The following SLC7A10 variants were observed in gnomAD, a reference collection of about 807,000 sequenced individuals.
The protein encoded by SLC7A10 is solute carrier family 7 member 10, also known as asc-type amino acid transporter 1.
A neutral mutation model predicts 52.7 loss-of-function variants in SLC7A10; 30 were observed. The ratio of observed to expected loss-of-function variants is 0.57; its 90% CI spans 0.43 to 0.77. SLC7A10 has a LOEUF of 0.77. Among genes scored for constraint, SLC7A10 ranks in the 30% least tolerant of loss-of-function variants. The pLI, the probability that SLC7A10 is intolerant of heterozygous loss-of-function variation, is 0.00. For missense variants in SLC7A10, 581 were observed against 698.5 expected, an observed-to-expected ratio of 0.83 and a Z score of 1.90; for synonymous variants, 318 against 314.9, an observed-to-expected ratio of 1.01 and a Z score of -0.10.
At chr19:33,225,095 G>A (rs1443560668) in intron 1 of SLC7A10, among the ~76,000 whole-genome samples, 3 of 152,238 alleles carry the variant, frequency 2.0e-5, no homozygotes, top group Non-Finnish European at 4.4e-5. Flanking sequence ...TCACTGCACT[G>A]CGTGGCACCT....
At chr19:33,224,346 G>T (rs1974877559) in intron 1 of SLC7A10, among the ~76,000 whole-genome samples, 1 of 152,094 alleles carries the variant, frequency 6.6e-6, no homozygotes, top group African/African-American at 2.4e-5. Flanking sequence ...AGCTCCCAGG[G>T]CCAGGTCAGG....
intron 1 of SLC7A10, among the ~76,000 whole-genome samples, chr19:33,217,471 G>C (rs570630202): frequency 3.0e-4 from 46 of 151,014 alleles, no homozygotes; most frequent in African/African-American, 1.1e-3. Context: ...CTGTGCACAT[G>C]AATCCGGTAA....
At chr19:33,214,317 A>G (rs182057738) in intron 2 of SLC7A10, among the ~76,000 whole-genome samples, 29 of 151,894 alleles carry the variant, frequency 1.9e-4, no homozygotes, top group Admixed American at 1.8e-3. Context: ...AACTTTGTAA[A>G]TTTCAGCCCA....
intron 1 of SLC7A10, among the ~76,000 whole-genome samples, chr19:33,224,402 C>T (rs189402444): frequency 3.3e-5 from 5 of 152,136 alleles, no homozygotes; most frequent in East Asian, 3.9e-4. Flanking sequence ...GGTGAGATGG[C>T]GGAGTGACCT....
chr19:33,224,806 G>A (rs999249106), intron 1 of SLC7A10, among the ~76,000 whole-genome samples: 2 of 152,176 alleles, frequency 1.3e-5, no homozygotes, highest in African/African-American at 4.8e-5. Context: ...CCTATGTGGG[G>A]GCAGGACATG....
At chr19:33,223,452 G>A (rs1215147043) in intron 1 of SLC7A10, among the ~76,000 whole-genome samples, 1 of 151,662 alleles carries the variant, frequency 6.6e-6, no homozygotes, top group Non-Finnish European at 1.5e-5. Context: ...GGTGGAGAGA[G>A]AGTGAGCCCA....
Position 33,212,614 on chromosome 19 carries a change from GGAGCTGTTC to G in SLC7A10, c.525_533del (p.Asn176_Ser178del). ...GGATGCGCGTGGCCCAGCGCACACT[GGAGCTGTTC>G]ACCCATGTCAGGAGCACTGCGGAGG... is the stretch of plus-strand genomic sequence containing the variant. On this transcript the variant is annotated inframe_deletion, in exon 4 of 11. Coordinates refer to ENST00000253188, the MANE Select transcript of SLC7A10 (RefSeq NM_019849.3). 1 of 1,613,840 alleles carries G rather than the reference GGAGCTGTTC, an allele frequency of 6.2e-7. No individual in the cohort carries two copies. The highest frequency in any genetic ancestry group is 8.5e-7 in the Non-Finnish European group (1 of 1,180,052).
At chr19:33,218,583 G>T (rs1052153162) in intron 1 of SLC7A10, among the ~76,000 whole-genome samples, 1 of 151,740 alleles carries the variant, frequency 6.6e-6, no homozygotes, top group African/African-American at 2.4e-5. Context: ...GGGCACGGAG[G>T]AGGGAGGGGG....
At chr19:33,215,728 C>T (rs1007461680) in intron 2 of SLC7A10, 41 bp downstream of exon 2, 4 of 1,541,248 alleles carry the variant, frequency 2.6e-6, no homozygotes, top group South Asian at 1.2e-5. Context: ...CATCCCATTC[C>T]CAAGAGGGTG....
At chr19:33,217,532 A>G (rs1458109566) in intron 1 of SLC7A10, among the ~76,000 whole-genome samples, 2 of 152,040 alleles carry the variant, frequency 1.3e-5, no homozygotes, top group Non-Finnish European at 2.9e-5. Flanking sequence ...TAAACCCAGA[A>G]CCTCAGACCA....
chr19:33,222,445 TAAATA>T (rs1555734422), intron 1 of SLC7A10, among the ~76,000 whole-genome samples: 4,285 of 85,694 alleles, frequency 0.05, 235 homozygotes, highest in African/African-American at 0.17. Flanking sequence ...TAAAATAAAA[TAAATA>T]AAATAAAATA....
rs1423415292 is a variant in SLC7A10, at chr19:33,208,801, G to T, written c.*90C>A. ...TCGTATCTTTTTTCTTTTTTTTCCA[G>T]AAAAAAACAAAACAAAACTTTTTTG... On this transcript the variant is annotated 3_prime_UTR_variant, in exon 11 of 11. Transcript: ENST00000253188. The surrounding 1 kb of genome is among the most constrained non-coding windows in gnomAD (Gnocchi z 4.7). 1.9e-6 allele frequency: 3 copies of T among 1,565,972 alleles called. No individual in the cohort carries two copies. Among genetic ancestry groups the T allele is most frequent in the African/African-American group, 2.7e-5 (2 of 73,342 alleles).
chr19:33,222,201 T>C (rs1039759801), intron 1 of SLC7A10, among the ~76,000 whole-genome samples: 2 of 151,638 alleles, frequency 1.3e-5, no homozygotes, highest in Admixed American at 6.6e-5. Flanking sequence ...GAATTTGAGA[T>C]CAGCCTGGGC....
chr19:33,211,212 C>T lies in SLC7A10; in HGVS notation c.1016+13G>A, dbSNP rs1189884789. 1.2e-6 allele frequency: 2 copies of T among 1,612,488 alleles called. No individual in the cohort carries two copies. The highest frequency in any genetic ancestry group is 1.3e-5 in the African/African-American group (1 of 74,934). On this transcript the variant is annotated intron_variant, in intron 7 of 10. Coordinates refer to ENST00000253188, the MANE Select transcript of SLC7A10 (RefSeq NM_019849.3). ...CTTCCCTCCCCATGCCCACGTCTCC[C>T]CAGTGCAGTCACCTGGAGTAGGTGA...
chr19:33,216,111 G>T, intron 1 of SLC7A10, 138 bp from the exon 2 acceptor site: 1 of 759,172 alleles, frequency 1.3e-6, no homozygotes. Flanking sequence ...GAGGTGGGCT[G>T]GAGGTGTTGA....
At chr19:33,216,337 C>T (rs1376753281) in intron 1 of SLC7A10, among the ~76,000 whole-genome samples, 2 of 152,176 alleles carry the variant, frequency 1.3e-5, no homozygotes, top group African/African-American at 4.8e-5. Context: ...GACGGTGGCT[C>T]CTCAGGCACC....
At chr19:33,213,590 C>G (rs2145477940) in intron 2 of SLC7A10, among the ~76,000 whole-genome samples, 1 of 152,214 alleles carries the variant, frequency 6.6e-6, no homozygotes, top group East Asian at 1.9e-4. Context: ...GCCCAGTCAC[C>G]AAATGCTTTT....
intron 1 of SLC7A10, among the ~76,000 whole-genome samples, chr19:33,218,799 T>A (rs1015575718): frequency 6.7e-6 from 1 of 149,596 alleles, no homozygotes; most frequent in East Asian, 2.1e-4. Flanking sequence ...ATTACAGGCA[T>A]GAGCCACCAC....
intron 1 of SLC7A10, among the ~76,000 whole-genome samples, chr19:33,218,340 C>A (rs890801351): frequency 1.2e-4 from 19 of 152,212 alleles, no homozygotes; most frequent in Non-Finnish European, 2.4e-4. Context: ...CACGTGGCCT[C>A]AGGCCACAGT....
Sources: allele counts gnomAD v4.1 joint callset (sites outside exome capture counted in the v4.1 genomes callset), GRCh38; gene constraint gnomAD v4.1.1; non-coding constraint Gnocchi (gnomAD v3.1); transcripts MANE v1.5; gene names NCBI Gene and HGNC (gene_info 2026-07-23, HGNC 2026-07-21).